NDRG4: variants seen among roughly 807,000 people sequenced by gnomAD.
NDRG4 encodes the protein NDRG family member 4.
A neutral mutation model predicts 55.8 loss-of-function variants in NDRG4; 38 were observed. The observed-to-expected ratio is 0.68, with a 90% confidence interval of 0.53 to 0.89. NDRG4 has a LOEUF of 0.89. Ranked by LOEUF, NDRG4 falls within the 40% of genes least tolerant of loss-of-function variation. NDRG4 has a pLI of 0.00. For synonymous variants in NDRG4, 190 were observed against 182.7 expected, an observed-to-expected ratio of 1.04 and a Z score of -0.32; for missense variants, 455 against 468.6, an observed-to-expected ratio of 0.97 and a Z score of 0.27.
chr16:58,515,258 G>A (rs565697343), downstream of NDRG4, among the ~76,000 whole-genome samples: 1 of 152,306 alleles, frequency 6.6e-6, no homozygotes, highest in East Asian at 1.9e-4. Context: ...AGAAGCCTCA[G>A]CCCTCGGGGA....
chr16:58,507,674 G>A (rs1242736253), intron 8 of NDRG4, 134 bp from the exon 9 acceptor site: 3 of 837,592 alleles, frequency 3.6e-6, no homozygotes, highest in Non-Finnish European at 5.6e-6. Context: ...GCCGTGACAG[G>A]GAGCCTCCAG....
chr16:58,481,635 C>T (rs2034412566), intron 1 of NDRG4, among the ~76,000 whole-genome samples: 1 of 152,178 alleles, frequency 6.6e-6, no homozygotes, highest in African/African-American at 2.4e-5. Flanking sequence ...TCCTCCTGTC[C>T]TGCCACCCAC....
At chr16:58,482,730 TCCC>T (rs1200248699) in intron 1 of NDRG4, among the ~76,000 whole-genome samples, 7 of 121,390 alleles carry the variant, frequency 5.8e-5, no homozygotes, top group African/African-American at 9.7e-5. Flanking sequence ...CCTCCCTCCC[TCCC>T]TTCCTTCCTC....
rs1291584837 is a variant in NDRG4, at chr16:58,504,657, T to C, written c.372+8T>C. The C allele has an allele frequency of 6.2e-7, 1 of 1,614,100 alleles. No homozygotes were observed. The highest frequency in any genetic ancestry group is 8.5e-7 in the Non-Finnish European group (1 of 1,180,000). ...GTGCTGGCCAAGTTTGCAGTGAGTC[T>C]CCCCATGCCCCCATTACCCCAAACA... is the stretch of plus-strand genomic sequence containing the variant. On this transcript the variant is annotated splice_region_variant and intron_variant, in intron 5 of 14. Coordinates refer to ENST00000570248, the MANE Select transcript of NDRG4 (RefSeq NM_001242835.2).
chr16:58,507,063 G>A (rs2038136062), intron 8 of NDRG4, 48 bp downstream of exon 8: 5 of 1,451,156 alleles, frequency 3.4e-6, no homozygotes, highest in Non-Finnish European at 4.8e-6. Context: ...CCCAGTGGGG[G>A]CCCTTGCACA....
At chr16:58,482,756 CTTTCCTTCCTTCCTTT>C (rs1455781627) in intron 1 of NDRG4, among the ~76,000 whole-genome samples, 1 of 128,102 alleles carries the variant, frequency 7.8e-6, no homozygotes, top group African/African-American at 2.9e-5. Flanking sequence ...TCCCTTCCTT[CTTTCCTTCCTTCCTTT>C]TTTCCTTCCT....
chr16:58,506,200 T>C (rs1372049610), intron 5 of NDRG4, 187 bp from the exon 6 acceptor site: 1 of 662,876 alleles, frequency 1.5e-6, no homozygotes, highest in Admixed American at 2.1e-5. Context: ...AGATTCTAAA[T>C]AAATCCAAGA....
chr16:58,511,037 C>G (rs2038736880), intron 14 of NDRG4: 1 of 472,260 alleles, frequency 2.1e-6, no homozygotes, highest in African/African-American at 1.9e-5. Context: ...GCAAGTCTTG[C>G]TTGTGAAACT....
At chr16:58,511,310 T>C (rs1264266350) in intron 14 of NDRG4, 112 bp from the exon 15 acceptor site, 3 of 1,264,532 alleles carry the variant, frequency 2.4e-6, no homozygotes, top group Admixed American at 2.2e-5. Context: ...GAGGAGCCCT[T>C]TGTGCCTTCG....
At chr16:58,501,158 G>A in intron 1 of NDRG4, 2 of 985,834 alleles carry the variant, frequency 2.0e-6, no homozygotes, top group Non-Finnish European at 2.6e-6. Context: ...CGCCTGCCCT[G>A]CCGGTTCCGC....
Position 58,464,578 on chromosome 16 carries a change from C to T in NDRG4, c.-24+781C>T. On this transcript the variant is annotated intron_variant, in intron 1 of 15. Coordinates refer to the NDRG4 transcript ENST00000258187. The surrounding 1 kb of genome is among the most constrained non-coding windows in gnomAD (Gnocchi z 4.8). ...GGGTCTGAGCAGGAAGGGGTGCGGA[C>T]CCCAACTAAGTCCTAGTTTTGTGCT... The T allele has an allele frequency of 4.7e-6, 5 of 1,054,128 alleles. No homozygotes were observed. The highest frequency in any genetic ancestry group is 6.2e-6 in the Non-Finnish European group (5 of 808,586). The allele number at this position is 1,054,128 out of a possible 1,614,324, so 65.3% of individuals were successfully genotyped here.
At chr16:58,493,006 A>G (rs1428965575) in intron 2 of NDRG4, among the ~76,000 whole-genome samples, 1 of 152,094 alleles carries the variant, frequency 6.6e-6, no homozygotes, top group Non-Finnish European at 1.5e-5. Context: ...CAGGCAGCCC[A>G]AAGCCTGGCT....
At chr16:58,496,460 T>C (rs1313510400), upstream of NDRG4, among the ~76,000 whole-genome samples, 6 of 152,010 alleles carry the variant, frequency 3.9e-5, no homozygotes, top group Non-Finnish European at 8.8e-5. Context: ...GAATGGATGG[T>C]CGTTATCTGG....
chr16:58,476,725 A>G (rs2033691217), intron 1 of NDRG4, among the ~76,000 whole-genome samples: 1 of 152,236 alleles, frequency 6.6e-6, no homozygotes, highest in Non-Finnish European at 1.5e-5. Flanking sequence ...GCACAGCATT[A>G]AAAACTCCAT....
Position 58,464,141 on chromosome 16 carries a change from A to T in NDRG4, c.-24+344A>T. The stretch of plus-strand genomic sequence containing the variant: ...GGACCACCTCCCACGGTGTCACCGC[A>T]CCCACCCCGCGCCCTTCCTCCGCCT... On this transcript the variant is annotated intron_variant, in intron 1 of 15. Transcript: ENST00000258187. The surrounding 1 kb of genome is among the most constrained non-coding windows in gnomAD (Gnocchi z 4.8). 1 of 347,826 alleles carries T rather than the reference A, an allele frequency of 2.9e-6. No individual in the cohort carries two copies. Among genetic ancestry groups the T allele is most frequent in the Non-Finnish European group, 5.1e-6 (1 of 194,318 alleles). The allele number at this position is 347,826 out of a possible 1,614,324, so 21.5% of individuals were successfully genotyped here.
intron 2 of NDRG4, among the ~76,000 whole-genome samples, chr16:58,492,575 C>A (rs2035939158): frequency 6.9e-6 from 1 of 143,924 alleles, no homozygotes. Flanking sequence ...ACAGTCTCGC[C>A]CTGTCACCCA....
intron 14 of NDRG4, chr16:58,510,965 C>T (rs2038725376): frequency 1.8e-6 from 1 of 544,936 alleles, no homozygotes; most frequent in African/African-American, 1.9e-5. Context: ...AGAGCCCAGG[C>T]CTGGCCCTGC....
At chr16:58,506,779 T>G in intron 7 of NDRG4, 133 bp from the exon 8 acceptor site, 1 of 1,156,316 alleles carries the variant, frequency 8.6e-7, no homozygotes, top group South Asian at 1.3e-5. Flanking sequence ...ACCTCCTACC[T>G]GCCCCCACCC....
Position 58,464,428 on chromosome 16 carries a change from G to C in NDRG4, c.-24+631G>C. 2 of 1,366,454 alleles carry C rather than the reference G, an allele frequency of 1.5e-6. No homozygotes were observed. The highest frequency in any genetic ancestry group is 1.9e-6 in the Non-Finnish European group (2 of 1,062,498). 84.6% of individuals were successfully genotyped at this position (1,366,454 alleles called of 1,614,324 possible). A position where few individuals can be genotyped will look rare whatever the true frequency, so the allele number is the denominator to read the frequency against. ...CCAGAGCCGGGCCGCGCCGGGCGCC[G>C]AGATGAAGGTGCTGGGACACCGGCT... On this transcript the variant is annotated intron_variant, in intron 1 of 15. Transcript: ENST00000258187. This position sits in a 1 kb window ranked among gnomAD's most constrained non-coding sequence, Gnocchi z 4.8.
Sources: allele counts gnomAD v4.1 joint callset (sites outside exome capture counted in the v4.1 genomes callset), GRCh38; gene constraint gnomAD v4.1.1; non-coding constraint Gnocchi (gnomAD v3.1); transcripts MANE v1.5; gene names NCBI Gene and HGNC (gene_info 2026-07-23, HGNC 2026-07-21).